PTPRU: variants seen among roughly 807,000 people sequenced by gnomAD.
The protein encoded by PTPRU is receptor-type tyrosine-protein phosphatase U.
A neutral mutation model predicts 166.3 loss-of-function variants in PTPRU; 69 were observed. That is an observed-to-expected ratio of 0.41 (90% CI 0.34 to 0.51). PTPRU has a LOEUF of 0.51. PTPRU is among the 20% of genes least tolerant of loss of function. The pLI, the probability that PTPRU is intolerant of heterozygous loss-of-function variation, is 0.09. For missense variants in PTPRU, 1,657 were observed against 2,013.7 expected, an observed-to-expected ratio of 0.82 and a Z score of 3.39; for synonymous variants, 793 against 814.0, an observed-to-expected ratio of 0.97 and a Z score of 0.44.
At chr1:29,262,206 A>G (rs1442870076) in intron 7 of PTPRU, among the ~76,000 whole-genome samples, 1 of 152,222 alleles carries the variant, frequency 6.6e-6, no homozygotes, top group African/African-American at 2.4e-5. Context: ...TTTGGTAGTC[A>G]CTGATCTGTC....
chr1:29,260,576 C>T lies in PTPRU; in HGVS notation c.851-34C>T, dbSNP rs1480259882. ...GGGTGCTGGGGTCTCACAGCAGCATCGGTCCGCCTCGCCTCTCCCCCATCT... is the reference window on the plus strand; with the variant it reads ...GGGTGCTGGGGTCTCACAGCAGCATTGGTCCGCCTCGCCTCTCCCCCATCT... On this transcript the variant is annotated intron_variant, in intron 6 of 29. Coordinates refer to ENST00000373779, the MANE Select transcript of PTPRU (RefSeq NM_133178.4). This position sits in a 1 kb window ranked among gnomAD's most constrained non-coding sequence, Gnocchi z 8.3. 2 of 1,461,180 alleles carry T rather than the reference C, an allele frequency of 1.4e-6. No homozygotes were observed. The highest frequency in any genetic ancestry group is 1.8e-6 in the Non-Finnish European group (2 of 1,099,000). The allele number at this position is 1,461,180 out of a possible 1,614,324, so 90.5% of individuals were successfully genotyped here. A position where few individuals can be genotyped will look rare whatever the true frequency, so the allele number is the denominator to read the frequency against.
At chr1:29,243,697 T>A (rs1684157229) in intron 1 of PTPRU, among the ~76,000 whole-genome samples, 1 of 152,214 alleles carries the variant, frequency 6.6e-6, no homozygotes, top group Non-Finnish European at 1.5e-5. Flanking sequence ...TCCACTAGGC[T>A]GGGAGCCCCC....
At chr1:29,314,563 G>C (rs1687811585) in intron 22 of PTPRU, among the ~76,000 whole-genome samples, 1 of 145,618 alleles carries the variant, frequency 6.9e-6, no homozygotes. Context: ...AGCAGGAAGA[G>C]TGTTTTATTG....
chr1:29,280,649 C>CAG lies in PTPRU; in HGVS notation c.1868+508_1868+509insAG, dbSNP rs1553122584. 3.5e-5 allele frequency among the ~76,000 whole-genome samples: 5 copies of CAG among 144,002 alleles called. No homozygotes were observed. The highest frequency in any genetic ancestry group is 6.9e-5 in the Admixed American group (1 of 14,494). The allele number at this position is 144,002 out of a possible 152,430, so 94.5% of individuals were successfully genotyped here. ...TGGGGAGAGGGTGCTGGAGACAAGACTGTGTGTGTGTGTGTGTGTGTGTGT... is the reference window on the plus strand; with the variant it reads ...TGGGGAGAGGGTGCTGGAGACAAGACAGTGTGTGTGTGTGTGTGTGTGTGTGT... On this transcript the variant is annotated intron_variant, in intron 11 of 29. Coordinates refer to ENST00000373779, the MANE Select transcript of PTPRU (RefSeq NM_133178.4). The surrounding 1 kb of genome is among the most constrained non-coding windows in gnomAD (Gnocchi z 4.2).
chr1:29,321,057 T>A (rs1158061780), intron 26 of PTPRU, among the ~76,000 whole-genome samples: 1 of 152,206 alleles, frequency 6.6e-6, no homozygotes, highest in Non-Finnish European at 1.5e-5. Context: ...AAGGTCTCAC[T>A]CTTTTGCCCA....
chr1:29,240,437 AG>A (rs1683991879), intron 1 of PTPRU, among the ~76,000 whole-genome samples: 1 of 152,130 alleles, frequency 6.6e-6, no homozygotes, highest in Non-Finnish European at 1.5e-5. Flanking sequence ...TAAGGGGGCC[AG>A]GTTCAGAGGT....
intron 7 of PTPRU, among the ~76,000 whole-genome samples, chr1:29,274,641 T>C (rs1487485865): frequency 2.0e-5 from 3 of 152,236 alleles, no homozygotes; most frequent in Admixed American, 2.0e-4. Flanking sequence ...TACTATACAT[T>C]GTTTCAGAAC....
intron 25 of PTPRU, among the ~76,000 whole-genome samples, chr1:29,319,699 A>G (rs528965873): frequency 2.4e-4 from 37 of 152,368 alleles, no homozygotes; most frequent in Admixed American, 8.5e-4. Flanking sequence ...GCAGGATTAC[A>G]AAGGGCAGAT....
intron 21 of PTPRU, 66 bp from the exon 22 acceptor site, chr1:29,312,486 C>G: frequency 6.9e-7 from 1 of 1,440,502 alleles, no homozygotes; most frequent in Non-Finnish European, 9.4e-7. Context: ...GCCTGGCACA[C>G]AGCAGGTGTC....
chr1:29,305,819 T>C (rs918376460), intron 18 of PTPRU, among the ~76,000 whole-genome samples: 20 of 152,190 alleles, frequency 1.3e-4, no homozygotes, highest in African/African-American at 4.6e-4. Flanking sequence ...GGGGGCTTTT[T>C]CCTAGGGGCA....
chr1:29,305,657 A>C, intron 18 of PTPRU: 1 of 719,682 alleles, frequency 1.4e-6, no homozygotes. Context: ...GAGGTGCTTT[A>C]GAGAAGCAAA....
intron 18 of PTPRU, among the ~76,000 whole-genome samples, chr1:29,309,005 A>G (rs564830237): frequency 1.1e-4 from 17 of 152,110 alleles, no homozygotes; most frequent in African/African-American, 4.1e-4. Flanking sequence ...AGCAGGAGGG[A>G]ATTGGGCTAG....
At chr1:29,290,679 C>A (rs1310457985) in intron 14 of PTPRU, among the ~76,000 whole-genome samples, 1 of 152,250 alleles carries the variant, frequency 6.6e-6, no homozygotes, top group Non-Finnish European at 1.5e-5. Context: ...TCGCGCTGAG[C>A]CCCCAGCTCG....
rs1219797743 is a variant in PTPRU, at chr1:29,257,710, C to G, written c.206-795C>G. Among the ~76,000 whole-genome samples the G allele has an allele frequency of 6.6e-6, 1 of 152,156 alleles. No homozygotes were observed. ...CTGTTCTACATATTCATTCAGCTTGCGTCCTGAGGCCTCACAGCCTGGTGG... is the reference window on the plus strand; with the variant it reads ...CTGTTCTACATATTCATTCAGCTTGGGTCCTGAGGCCTCACAGCCTGGTGG... On this transcript the variant is annotated intron_variant, in intron 2 of 29. Transcript: ENST00000373779. The surrounding 1 kb of genome is among the most constrained non-coding windows in gnomAD (Gnocchi z 4.6).
chr1:29,321,207 T>TC, intron 26 of PTPRU, among the ~76,000 whole-genome samples: 1 of 145,978 alleles, frequency 6.9e-6, no homozygotes, highest in Non-Finnish European at 1.5e-5. Context: ...TTTTTTTTTT[T>TC]TTTTTTTTTT....
At chr1:29,281,475 C>CTTGG (rs1356546127) in intron 11 of PTPRU, among the ~76,000 whole-genome samples, 1 of 152,076 alleles carries the variant, frequency 6.6e-6, no homozygotes, top group Non-Finnish European at 1.5e-5. Flanking sequence ...TGGGGGCAGG[C>CTTGG]TTGGTGGGAG....
chr1:29,301,117 T>G (rs1687113134), intron 15 of PTPRU, among the ~76,000 whole-genome samples: 2 of 152,140 alleles, frequency 1.3e-5, no homozygotes, highest in African/African-American at 2.4e-5. Context: ...AGCTTAGATC[T>G]GGGCAGAGAT....
At chr1:29,265,080 T>C (rs1685240972) in intron 7 of PTPRU, among the ~76,000 whole-genome samples, 1 of 152,236 alleles carries the variant, frequency 6.6e-6, no homozygotes, top group African/African-American at 2.4e-5. Context: ...ACAGAGGTTT[T>C]TGCATGAACA....
At position 29,311,555 on chromosome 1, in the gene PTPRU, T is replaced by C. The variant is rs765064351; in HGVS notation, c.2955+2T>C. On this transcript the variant is annotated splice_donor_variant, in intron 20 of 29. Transcript: ENST00000373779. LOFTEE classifies it high-confidence loss of function. The surrounding 1 kb of genome is among the most constrained non-coding windows in gnomAD (Gnocchi z 4.1). ...ACCAAGCTGGTCGAGGTGGGCAGGG[T>C]AAGCCGGGCTGTGGGGCGAGCTGGG... 5.6e-6 allele frequency: 9 copies of C among 1,613,960 alleles called. No homozygotes were observed. The highest frequency in any genetic ancestry group is 7.6e-6 in the Non-Finnish European group (9 of 1,180,006).
Sources: gnomAD v4.1 joint callset for allele counts (sites outside exome capture counted in the v4.1 genomes callset) on GRCh38, gnomAD v4.1.1 for gene constraint, Gnocchi (gnomAD v3.1) non-coding constraint, MANE v1.5 for transcripts, NCBI Gene and HGNC (gene_info 2026-07-23, HGNC 2026-07-21) for gene names.